STIM1: variants seen among roughly 807,000 people sequenced by gnomAD.
STIM1 encodes stromal interaction molecule 1.
A neutral mutation model predicts 74.7 loss-of-function variants in STIM1; 25 were observed. The ratio of observed to expected loss-of-function variants is 0.33; its 90% CI spans 0.24 to 0.47. The LOEUF is 0.47. Among genes scored for constraint, STIM1 ranks in the 20% least tolerant of loss-of-function variants. The probability of loss-of-function intolerance (pLI) is 1.00; values close to 1 mark genes in which losing one functional copy is unlikely to be tolerated. For synonymous variants in STIM1, 328 were observed against 348.8 expected, an observed-to-expected ratio of 0.94 and a Z score of 0.66; for missense variants, 728 against 920.8, an observed-to-expected ratio of 0.79 and a Z score of 2.71.
At chr11:4,087,942 A>G (rs1420892443) in intron 12 of STIM1, among the ~76,000 whole-genome samples, 1 of 151,898 alleles carries the variant, frequency 6.6e-6, no homozygotes, top group Non-Finnish European at 1.5e-5. Context: ...AGGAATTAAA[A>G]TACACATTTT....
intron 1 of STIM1, among the ~76,000 whole-genome samples, chr11:3,859,892 C>T (rs1363226631): frequency 6.6e-6 from 1 of 152,232 alleles, no homozygotes; most frequent in Non-Finnish European, 1.5e-5. Context: ...TCAGCTTTGA[C>T]AATCACCCTT....
intron 1 of STIM1, among the ~76,000 whole-genome samples, chr11:3,872,849 T>C (rs1271981830): frequency 1.3e-5 from 2 of 152,148 alleles, no homozygotes; most frequent in African/African-American, 2.4e-5. Context: ...ATGTGCCATC[T>C]GGTTTACCAT....
intron 1 of STIM1, among the ~76,000 whole-genome samples, chr11:3,961,116 C>T (rs1238954329): frequency 6.6e-6 from 1 of 152,098 alleles, no homozygotes; most frequent in Non-Finnish European, 1.5e-5. Context: ...GATCCTCCTA[C>T]TTCAGCCTTC....
At chr11:3,966,026 AAAC>A (rs2093337263) in intron 1 of STIM1, among the ~76,000 whole-genome samples, 1 of 152,060 alleles carries the variant, frequency 6.6e-6, no homozygotes, top group African/African-American at 2.4e-5. Context: ...ACAAACAAAC[AAAC>A]AAAAAACCAA....
At position 4,087,659 on chromosome 11, in the gene STIM1, T is replaced by A. The variant is rs188411810; in HGVS notation, c.1634+1116T>A. On this transcript the variant is annotated intron_variant, in intron 12 of 12. Transcript: ENST00000526596. Reference sequence around the variant, plus strand: ...CACATTTGCATTTTAGAAATAACATTTTAGTGGCTGTGTGAAGGAAGGAAG... The same window carrying A: ...CACATTTGCATTTTAGAAATAACATATTAGTGGCTGTGTGAAGGAAGGAAG... 2.6e-3 allele frequency among the ~76,000 whole-genome samples: 399 copies of A among 151,970 alleles called. 3 individuals are homozygous for A. The highest frequency in any genetic ancestry group is 4.2e-3 in the Non-Finnish European group (286 of 67,974).
chr11:4,022,099 AGGTG>A (rs1353400059), intron 2 of STIM1, among the ~76,000 whole-genome samples: 1 of 151,994 alleles, frequency 6.6e-6, no homozygotes, highest in Non-Finnish European at 1.5e-5. Context: ...TGGGAAGCAG[AGGTG>A]GGTGGATCCC....
intron 1 of STIM1, among the ~76,000 whole-genome samples, chr11:3,895,398 T>G (rs2092031417): frequency 6.6e-6 from 1 of 152,192 alleles, no homozygotes; most frequent in Non-Finnish European, 1.5e-5. Context: ...GGTTCAGGGC[T>G]GATTTTAAAA....
chr11:3,956,823 CA>C (rs78285130), intron 1 of STIM1, among the ~76,000 whole-genome samples: 2,266 of 38,002 alleles, frequency 0.06, 12 homozygotes, highest in African/African-American at 0.11. Flanking sequence ...ACCCTGTCTC[CA>C]AAAAAAAAAA....
chr11:3,944,325 C>A (rs1032205427), intron 1 of STIM1, among the ~76,000 whole-genome samples: 1 of 152,148 alleles, frequency 6.6e-6, no homozygotes, highest in African/African-American at 2.4e-5. Context: ...GGAATGTTTC[C>A]CTGAGGACAT....
intron 1 of STIM1, among the ~76,000 whole-genome samples, chr11:3,945,407 T>C (rs950675579): frequency 6.6e-6 from 1 of 151,054 alleles, no homozygotes; most frequent in Admixed American, 6.6e-5. Context: ...TGAAACACAA[T>C]CTTTACTAAA....
chr11:3,892,882 A>G, intron 1 of STIM1: 5 of 1,551,100 alleles, frequency 3.2e-6, no homozygotes, highest in Non-Finnish European at 4.5e-6. Flanking sequence ...CGGTGGGGTT[A>G]ACCACGGCTG....
chr11:4,000,822 A>T (rs970360526), intron 2 of STIM1, among the ~76,000 whole-genome samples: 8 of 152,144 alleles, frequency 5.3e-5, no homozygotes, highest in Non-Finnish European at 2.9e-5. Context: ...AAAGGCAAAG[A>T]AGTTGAAAAC....
chr11:4,054,864 C>A (rs866760869), intron 3 of STIM1, among the ~76,000 whole-genome samples: 2 of 152,194 alleles, frequency 1.3e-5, no homozygotes, highest in Non-Finnish European at 2.9e-5. Flanking sequence ...AATACATCAT[C>A]TTCTCTGAGG....
At chr11:3,990,331 G>A (rs2093598961) in intron 2 of STIM1, among the ~76,000 whole-genome samples, 1 of 152,138 alleles carries the variant, frequency 6.6e-6, no homozygotes, top group African/African-American at 2.4e-5. Context: ...ATAGACATCT[G>A]GTTTGTTTCA....
chr11:4,002,880 A>G (rs999069986), intron 2 of STIM1, among the ~76,000 whole-genome samples: 3 of 140,060 alleles, frequency 2.1e-5, no homozygotes, highest in Non-Finnish European at 4.7e-5. Context: ...AATCAAATAG[A>G]CGCAATAAAA....
intron 1 of STIM1, among the ~76,000 whole-genome samples, chr11:3,902,900 C>T (rs748566140): frequency 2.0e-5 from 3 of 152,066 alleles, no homozygotes; most frequent in Non-Finnish European, 4.4e-5. Flanking sequence ...CAGAAGGGAG[C>T]TGGTGGATTA....
chr11:4,049,715 AACACACACACACACACACACACAC>A (rs748609546), intron 3 of STIM1: 4 of 101,416 alleles, frequency 3.9e-5, no homozygotes, highest in Non-Finnish European at 6.3e-5. Flanking sequence ...CCCCTGCCCA[AACACACACACACACACACACACAC>A]ACACACACAC....
chr11:3,887,698 A>G (rs1360213578), intron 1 of STIM1, among the ~76,000 whole-genome samples: 1 of 151,984 alleles, frequency 6.6e-6, no homozygotes, highest in Non-Finnish European at 1.5e-5. Context: ...GCCAGGCGCA[A>G]TGGCTCACAC....
At chr11:3,967,092 C>T (rs746768307) in intron 1 of STIM1, among the ~76,000 whole-genome samples, 5 of 152,188 alleles carry the variant, frequency 3.3e-5, no homozygotes, top group Admixed American at 6.5e-5. Flanking sequence ...ATCATTTGGG[C>T]ACTGGGACTA....
Sources: gnomAD v4.1 joint callset for allele counts (sites outside exome capture counted in the v4.1 genomes callset) on GRCh38, gnomAD v4.1.1 for gene constraint, MANE v1.5 for transcripts, NCBI Gene and HGNC (gene_info 2026-07-23, HGNC 2026-07-21) for gene names.